SLC12A8: variants seen among roughly 807,000 people sequenced by gnomAD.
SLC12A8 encodes solute carrier family 12 member 8, also known as cation-chloride cotransporter 9.
A neutral mutation model predicts 75.6 loss-of-function variants in SLC12A8; 69 were observed. That is an observed-to-expected ratio of 0.91 (90% CI 0.75 to 1.11). SLC12A8 has a LOEUF of 1.11. Ranked by LOEUF, SLC12A8 falls within the 50% of genes most tolerant of loss-of-function variation. SLC12A8 has a pLI of 0.00. For missense variants in SLC12A8, 877 were observed against 896.7 expected (o/e 0.98, Z 0.28); for synonymous variants, 365 against 372.8 (o/e 0.98, Z 0.24).
chr3:125,179,779 C>T (rs560544518), intron 4 of SLC12A8, among the ~76,000 whole-genome samples: 4 of 152,266 alleles, frequency 2.6e-5, no homozygotes, highest in Admixed American at 2.6e-4. Context: ...CATCTCAGAA[C>T]TCAAACTTCC....
intron 5 of SLC12A8, among the ~76,000 whole-genome samples, chr3:125,136,089 A>G (rs1933487568): frequency 6.6e-6 from 1 of 152,210 alleles, no homozygotes; most frequent in South Asian, 2.1e-4. Context: ...ATATCTTTCA[A>G]TGAGCATGTA....
intron 4 of SLC12A8, among the ~76,000 whole-genome samples, chr3:125,180,253 C>T (rs1007590239): frequency 6.6e-6 from 1 of 152,096 alleles, no homozygotes; most frequent in Non-Finnish European, 1.5e-5. Context: ...GCATGAATTG[C>T]GAAGCCAAAA....
At chr3:125,206,355 A>G (rs13080851) in intron 2 of SLC12A8, among the ~76,000 whole-genome samples, 9,383 of 152,206 alleles carry the variant, frequency 0.062, 404 homozygotes, top group South Asian at 0.17. Flanking sequence ...CAAGTCACTC[A>G]ATATTTACGT....
At chr3:125,112,233 T>A (rs1298688653) in intron 8 of SLC12A8, among the ~76,000 whole-genome samples, 4 of 152,224 alleles carry the variant, frequency 2.6e-5, no homozygotes, top group South Asian at 2.1e-4. Context: ...AATTCACTGT[T>A]GATTCCTTTC....
rs1031121023 is a variant in SLC12A8 at position 125,083,868 on chromosome 3, G to A, written c.*22C>T. ...CACTGTACATGGGACAGCTCCAAAA[G>A]AGGAAGGTCCCAGCACTGCATCTAG... On this transcript the variant is annotated 3_prime_UTR_variant, in exon 14 of 14. Transcript: ENST00000469902. The A allele has an allele frequency of 6.2e-7, 1 of 1,605,280 alleles. No individual in the cohort carries two copies. Among genetic ancestry groups the A allele is most frequent in the East Asian group, 2.3e-5 (1 of 44,442 alleles).
chr3:125,149,525 G>C lies in SLC12A8; in HGVS notation c.623-13743C>G, dbSNP rs868071371. Among the ~76,000 whole-genome samples the C allele has an allele frequency of 5.9e-5, 9 of 152,314 alleles. No individual in the cohort carries two copies. In the Middle Eastern group the frequency reaches 0.02, roughly 345 times the overall value. On this transcript the variant is annotated intron_variant, in intron 5 of 13. Transcript: ENST00000469902. ...CTGGATCCAAACAATCAAGGAACAA[G>C]GATGCCTAAAGCATTAGTTTCTCAT...
intron 13 of SLC12A8, among the ~76,000 whole-genome samples, chr3:125,085,155 A>C (rs1938426180): frequency 6.6e-6 from 1 of 152,240 alleles, no homozygotes; most frequent in Non-Finnish European, 1.5e-5. Flanking sequence ...ATTAACTTCT[A>C]TAAAGGCTGA....
At chr3:125,098,630 C>T (rs1219817209) in intron 10 of SLC12A8, among the ~76,000 whole-genome samples, 1 of 151,652 alleles carries the variant, frequency 6.6e-6, no homozygotes, top group Non-Finnish European at 1.5e-5. Context: ...AAAACACTTA[C>T]TTCAGAGCTC....
chr3:125,209,390 C>T (rs1347203882), intron 2 of SLC12A8, among the ~76,000 whole-genome samples: 5 of 152,170 alleles, frequency 3.3e-5, no homozygotes, highest in Non-Finnish European at 5.9e-5. Context: ...ATATTAAGTG[C>T]TCAGTATACA....
rs772778324 is a variant in SLC12A8, at chr3:125,088,363, G to A, written c.1929C>T (p.Ala643=). ...TCCACCGGAAAAAGCTGAAGTTGGAGGCTGATCCTGCAGGGAAGACATATA... is the reference window on the plus strand; with the variant it reads ...TCCACCGGAAAAAGCTGAAGTTGGAAGCTGATCCTGCAGGGAAGACATATA... ...RASPGLHLGS[A]SNFSFFRWMR... Residue 643 remains alanine, a synonymous_variant, in exon 13 of 14, where the codon GCC becomes GCT. Transcript: ENST00000469902. The A allele has an allele frequency of 3.1e-6, 5 of 1,614,064 alleles. No individual in the cohort carries two copies. The African/African-American group carries it at 6.7e-5, about 22-fold the overall frequency.
intron 8 of SLC12A8, among the ~76,000 whole-genome samples, chr3:125,116,127 A>C (rs1939306990): frequency 6.6e-6 from 1 of 152,216 alleles, no homozygotes; most frequent in Non-Finnish European, 1.5e-5. Context: ...GGAAAGCAGA[A>C]AAGGTGTGGG....
intron 2 of SLC12A8, among the ~76,000 whole-genome samples, chr3:125,199,601 C>A (rs918154591): frequency 3.4e-5 from 5 of 145,142 alleles, no homozygotes; most frequent in African/African-American, 1.3e-4. Context: ...AAAAAAAAGG[C>A]CAGGTGTGGT....
rs375710854 is a variant in SLC12A8 at position 125,204,196 on chromosome 3, A to G, written c.51+7103T>C. ...TATGGAAGCTCATTAAAAATTAAAA[A>G]TAGAACTACCATATGATCCAGCAAT... On this transcript the variant is annotated intron_variant, in intron 2 of 13. Transcript: ENST00000469902. Among the ~76,000 whole-genome samples, 178 of 152,346 alleles carry G rather than the reference A, an allele frequency of 1.2e-3. 1 individual carries two copies. Among genetic ancestry groups the G allele is most frequent in the African/African-American group, 4.2e-3 (173 of 41,578 alleles).
At chr3:125,121,883 G>T (rs1018512123) in intron 6 of SLC12A8, among the ~76,000 whole-genome samples, 46 of 152,286 alleles carry the variant, frequency 3.0e-4, no homozygotes, top group African/African-American at 1.1e-3. Context: ...CCCGCGGATG[G>T]GGTGCATATA....
At chr3:125,106,971 T>C in intron 10 of SLC12A8, among the ~76,000 whole-genome samples, 1 of 152,242 alleles carries the variant, frequency 6.6e-6, no homozygotes, top group East Asian at 1.9e-4. Flanking sequence ...GAATTTCTCA[T>C]GCTCTATAAG....
Position 125,100,360 on chromosome 3 carries a change from T to A in SLC12A8, c.1705+7121A>T, listed in dbSNP as rs747085328. 7.3e-4 allele frequency among the ~76,000 whole-genome samples: 111 copies of A among 152,150 alleles called. 1 individual carries two copies. Among genetic ancestry groups the A allele is most frequent in the Non-Finnish European group, 2.5e-4 (17 of 68,030 alleles). ...CACCTAATTATCACAAATCTGCTAT[T>A]TTTATTTAAATTTTTATAGCTTAAT... On this transcript the variant is annotated intron_variant, in intron 10 of 13. Coordinates refer to ENST00000469902, the MANE Select transcript of SLC12A8 (RefSeq NM_024628.6).
intron 4 of SLC12A8, among the ~76,000 whole-genome samples, chr3:125,179,512 G>A (rs961515647): frequency 1.3e-5 from 2 of 152,186 alleles, no homozygotes; most frequent in Non-Finnish European, 2.9e-5. Flanking sequence ...TTTGAAAGGA[G>A]CTTGTGAACA....
At chr3:125,134,354 C>A (rs1933437609) in intron 6 of SLC12A8, among the ~76,000 whole-genome samples, 2 of 152,112 alleles carry the variant, frequency 1.3e-5, no homozygotes, top group Non-Finnish European at 2.9e-5. Flanking sequence ...AGGTGATCCA[C>A]CTGCCTTGGC....
At chr3:125,134,442 A>G (rs769588669) in intron 6 of SLC12A8, among the ~76,000 whole-genome samples, 10 of 152,098 alleles carry the variant, frequency 6.6e-5, no homozygotes, top group Non-Finnish European at 1.5e-4. Flanking sequence ...GTGGTTTTCT[A>G]TTGTGTGGCT....
Sources: gnomAD v4.1 joint callset for allele counts (sites outside exome capture counted in the v4.1 genomes callset) on GRCh38, gnomAD v4.1.1 for gene constraint, MANE v1.5 for transcripts, NCBI Gene and HGNC (gene_info 2026-07-23, HGNC 2026-07-21) for gene names.